The following RBMS3 variants were observed in gnomAD, a reference collection of about 807,000 sequenced individuals.
The protein encoded by RBMS3 is RNA binding motif single stranded interacting protein 3, also known as RNA-binding motif, single-stranded-interacting protein 3.
RBMS3 carries 27 observed loss-of-function variants against 66.8 expected under a neutral mutation model. The ratio of observed to expected loss-of-function variants is 0.40; its 90% confidence interval spans 0.30 to 0.56. The LOEUF is 0.56. Ranked by LOEUF, RBMS3 falls within the 20% of genes least tolerant of loss-of-function variation. The probability of loss-of-function intolerance (pLI) is 0.40; values close to 1 mark genes in which losing one functional copy is unlikely to be tolerated. For synonymous variants in RBMS3, 188 were observed against 183.0 expected (o/e 1.03, Z -0.22); for missense variants, 513 against 549.5 (o/e 0.93, Z 0.66).
At chr3:29,979,091 C>T (rs1697793663) in intron 12 of RBMS3, among the ~76,000 whole-genome samples, 2 of 152,056 alleles carry the variant, frequency 1.3e-5, no homozygotes, top group African/African-American at 4.8e-5. Flanking sequence ...ATGATTGTAC[C>T]ACTGTACTCC....
intron 10 of RBMS3, among the ~76,000 whole-genome samples, chr3:29,905,839 T>C (rs573999221): frequency 6.6e-6 from 1 of 152,266 alleles, no homozygotes; most frequent in South Asian, 2.1e-4. Flanking sequence ...GTGGGCTGCA[T>C]GCAGCCAGTG....
At chr3:29,544,819 T>A (rs920095770) in intron 3 of RBMS3, among the ~76,000 whole-genome samples, 1 of 152,166 alleles carries the variant, frequency 6.6e-6, no homozygotes, top group Non-Finnish European at 1.5e-5. Flanking sequence ...CCAATAAAAT[T>A]TTGTTTACAA....
At position 29,445,833 on chromosome 3, in the gene RBMS3, T is replaced by G. The variant is rs533698794; in HGVS notation, c.248+10918T>G. On this transcript the variant is annotated intron_variant, in intron 2 of 14. Transcript: ENST00000383767. The stretch of plus-strand genomic sequence containing the variant: ...TCGTTATATCTCTAACACAGTAGTA[T>G]CTCTTGAGAAACAAGCACTTTGTTT... Among the ~76,000 whole-genome samples, 13 of 152,288 alleles carry G rather than the reference T, an allele frequency of 8.5e-5. No homozygotes were observed. In the South Asian group the frequency reaches 2.7e-3, roughly 32 times the overall value.
intron 1 of RBMS3, among the ~76,000 whole-genome samples, chr3:29,346,396 C>CTTTTTTTTTTT (rs34803214): frequency 5.0e-5 from 3 of 59,962 alleles, no homozygotes; most frequent in East Asian, 5.5e-4. Flanking sequence ...GCAATTCATT[C>CTTTTTTTTTTT]TTTTTTTTTT....
intron 4 of RBMS3, among the ~76,000 whole-genome samples, chr3:29,703,523 T>G (rs72846095): frequency 0.014 from 2,178 of 152,358 alleles, 57 homozygotes; most frequent in African/African-American, 0.05. Context: ...TAGGTTCACA[T>G]GTGCTAACAT....
intron 6 of RBMS3, among the ~76,000 whole-genome samples, chr3:29,810,210 A>G (rs1376524701): frequency 6.6e-6 from 1 of 152,152 alleles, no homozygotes. Context: ...GGATAAGAAC[A>G]AGAGACATGA....
intron 6 of RBMS3, among the ~76,000 whole-genome samples, chr3:29,839,659 G>T (rs914605056): frequency 6.6e-6 from 1 of 151,388 alleles, no homozygotes; most frequent in African/African-American, 2.4e-5. Flanking sequence ...TAATAAAAAT[G>T]AACTCATTTT....
intron 6 of RBMS3, among the ~76,000 whole-genome samples, chr3:29,847,325 A>C (rs1043422647): frequency 2.8e-4 from 42 of 152,330 alleles, no homozygotes; most frequent in African/African-American, 9.9e-4. Flanking sequence ...AGGAGATATT[A>C]ACTCCCAAGT....
intron 6 of RBMS3, among the ~76,000 whole-genome samples, chr3:29,851,491 C>T (rs941159202): frequency 3.3e-5 from 5 of 152,074 alleles, no homozygotes; most frequent in African/African-American, 1.2e-4. Flanking sequence ...CTTTTTCCAT[C>T]TCAAAAGGGG....
intron 7 of RBMS3, among the ~76,000 whole-genome samples, chr3:29,870,062 A>T (rs2059452837): frequency 6.6e-6 from 1 of 152,184 alleles, no homozygotes; most frequent in South Asian, 2.1e-4. Context: ...TACTATATAA[A>T]CTGTAACTCA....
intron 3 of RBMS3, among the ~76,000 whole-genome samples, chr3:29,498,279 A>G (rs773628): frequency 0.51 from 77,867 of 151,468 alleles, 21,067 homozygotes; most frequent in East Asian, 0.67. Flanking sequence ...ACAGGCGTGA[A>G]CCACTGAGGC....
At chr3:29,712,396 T>G (rs2053212554) in intron 4 of RBMS3, among the ~76,000 whole-genome samples, 1 of 152,146 alleles carries the variant, frequency 6.6e-6, no homozygotes, top group South Asian at 2.1e-4. Flanking sequence ...CACTGCAACC[T>G]CTGCTTCCCA....
chr3:29,994,295 G>T (rs537362784), intron 14 of RBMS3, among the ~76,000 whole-genome samples: 1 of 152,168 alleles, frequency 6.6e-6, no homozygotes, highest in African/African-American at 2.4e-5. Flanking sequence ...ACGGAGTCTC[G>T]CTGATTGCTA....
chr3:29,830,895 G>A lies in RBMS3; in HGVS notation c.638-37963G>A, dbSNP rs980676446. 6.6e-5 allele frequency among the ~76,000 whole-genome samples: 10 copies of A among 152,210 alleles called. 1 individual carries two copies. The highest frequency in any genetic ancestry group is 3.3e-4 in the Admixed American group (5 of 15,290). The stretch of plus-strand genomic sequence containing the variant: ...CTACACTGTTACCTCAATGAGTGTG[G>A]ACAAGTAAGAATTAAAGTGACCTTA... On this transcript the variant is annotated intron_variant, in intron 6 of 14. Coordinates refer to ENST00000383767, the MANE Select transcript of RBMS3 (RefSeq NM_001003793.3).
intron 2 of RBMS3, among the ~76,000 whole-genome samples, chr3:29,454,473 C>T (rs2042116776): frequency 6.6e-6 from 1 of 152,146 alleles, no homozygotes; most frequent in South Asian, 2.1e-4. Flanking sequence ...AAGTATACTA[C>T]AATGGTGGAT....
At chr3:29,934,908 G>C (rs976230791) in intron 10 of RBMS3, among the ~76,000 whole-genome samples, 1 of 152,090 alleles carries the variant, frequency 6.6e-6, no homozygotes, top group African/African-American at 2.4e-5. Flanking sequence ...TTGAGCAAAA[G>C]CATTTTAGGA....
chr3:29,430,305 C>T (rs116622302), intron 1 of RBMS3, among the ~76,000 whole-genome samples: 9 of 152,162 alleles, frequency 5.9e-5, no homozygotes, highest in Non-Finnish European at 1.3e-4. Flanking sequence ...AGAAAATCGA[C>T]CGCTTTCAGC....
At chr3:29,929,845 TC>T (rs1464823117) in intron 10 of RBMS3, among the ~76,000 whole-genome samples, 2 of 152,012 alleles carry the variant, frequency 1.3e-5, no homozygotes, top group Non-Finnish European at 2.9e-5. Flanking sequence ...TGCCAATTAG[TC>T]TAATCCTGTC....
chr3:29,472,201 T>G (rs1441494565), intron 2 of RBMS3, among the ~76,000 whole-genome samples: 1 of 151,738 alleles, frequency 6.6e-6, no homozygotes, highest in Non-Finnish European at 1.5e-5. Flanking sequence ...CTAATTTTTT[T>G]TTTTTTTTTT....
Sources: allele counts gnomAD v4.1 joint callset (sites outside exome capture counted in the v4.1 genomes callset), GRCh38; gene constraint gnomAD v4.1.1; transcripts MANE v1.5; gene names NCBI Gene and HGNC (gene_info 2026-07-23, HGNC 2026-07-21).